Variants in UBE2R2 observed in about 807,000 individuals in gnomAD.
The protein encoded by UBE2R2 is ubiquitin-conjugating enzyme E2 R2.
In UBE2R2, 1 loss-of-function variant was observed where a neutral mutation model predicts 27.8. That is an observed-to-expected ratio of 0.04 (90% CI 0.01 to 0.17). The LOEUF is 0.17. Ranked by LOEUF, UBE2R2 falls within the 10% of genes least tolerant of loss-of-function variation. UBE2R2 has a pLI of 1.00. For missense variants in UBE2R2, 100 were observed against 291.0 expected, an observed-to-expected ratio of 0.34 and a Z score of 4.78; for synonymous variants, 106 against 113.3, an observed-to-expected ratio of 0.94 and a Z score of 0.41.
Position 33,917,328 on chromosome 9 carries a change from A to G in UBE2R2, c.*91A>G. On this transcript the variant is annotated 3_prime_UTR_variant, in exon 5 of 5. Transcript: ENST00000263228. ...ACCTGGCCATGGCCCCTCAGCAAAA[A>G]CCTATTCACAGCGGGTGGGGAAACA... 3 of 1,559,440 alleles carry G rather than the reference A, an allele frequency of 1.9e-6. No homozygotes were observed. Among genetic ancestry groups the G allele is most frequent in the Non-Finnish European group, 2.6e-6 (3 of 1,157,392 alleles).
At chr9:33,901,230 T>G (rs1435141901) in intron 3 of UBE2R2, among the ~76,000 whole-genome samples, 1 of 152,232 alleles carries the variant, frequency 6.6e-6, no homozygotes, top group Non-Finnish European at 1.5e-5. Flanking sequence ...TTATGTGTTT[T>G]CTCATGATTA....
At chr9:33,877,797 C>CTG (rs144533120) in intron 1 of UBE2R2, among the ~76,000 whole-genome samples, 7 of 141,834 alleles carry the variant, frequency 4.9e-5, no homozygotes, top group African/African-American at 1.9e-4. Context: ...ATTTTTGCCC[C>CTG]TCTCTGTCTG....
rs752000397 is a variant in UBE2R2 at position 33,904,342 on chromosome 9, T to G, written c.362+4071T>G. 4.1e-4 allele frequency among the ~76,000 whole-genome samples: 63 copies of G among 152,184 alleles called. 1 individual carries two copies. The highest frequency in any genetic ancestry group is 5.9e-5 in the Non-Finnish European group (4 of 68,038). The stretch of plus-strand genomic sequence containing the variant: ...CAGCAACTGTCTAAGGGTTCTGGGC[T>G]CCATGTCCAGTTTATGGGTGGCTGT... On this transcript the variant is annotated intron_variant, in intron 3 of 4. Coordinates refer to ENST00000263228, the MANE Select transcript of UBE2R2 (RefSeq NM_017811.4).
At chr9:33,846,878 G>A (rs1430004625) in intron 1 of UBE2R2, among the ~76,000 whole-genome samples, 2 of 151,756 alleles carry the variant, frequency 1.3e-5, no homozygotes, top group Non-Finnish European at 2.9e-5. Context: ...TCCTGAAGTG[G>A]TACTTTTATC....
chr9:33,896,475 C>T (rs1822106921), intron 2 of UBE2R2, among the ~76,000 whole-genome samples: 2 of 151,450 alleles, frequency 1.3e-5, no homozygotes, highest in Admixed American at 6.6e-5. Flanking sequence ...TGGAGTCTTA[C>T]TCTGTCGCCC....
Position 33,917,275 on chromosome 9 carries a change from C to G in UBE2R2, c.*38C>G. On this transcript the variant is annotated 3_prime_UTR_variant, in exon 5 of 5. Transcript: ENST00000263228. ...GTGCCCCTGTACTGCCCTGCCATCT[C>G]AGGCCAAAGGGAGGGGAGCAAGTGG... 6.2e-7 allele frequency: 1 copy of G among 1,609,390 alleles called. No individual in the cohort carries two copies. Among genetic ancestry groups the G allele is most frequent in the Non-Finnish European group, 8.5e-7 (1 of 1,177,938 alleles).
intron 1 of UBE2R2, among the ~76,000 whole-genome samples, chr9:33,856,035 G>A (rs1821093328): frequency 6.6e-6 from 1 of 152,162 alleles, no homozygotes; most frequent in Non-Finnish European, 1.5e-5. Flanking sequence ...TCCAGCCTGG[G>A]TGATAGAACC....
chr9:33,867,309 T>A (rs970227133), intron 1 of UBE2R2, among the ~76,000 whole-genome samples: 39 of 152,360 alleles, frequency 2.6e-4, no homozygotes, highest in African/African-American at 8.4e-4. Context: ...TAGTAATCTA[T>A]AAATGACTCT....
At chr9:33,864,105 G>A (rs906686524) in intron 1 of UBE2R2, among the ~76,000 whole-genome samples, 5 of 152,130 alleles carry the variant, frequency 3.3e-5, no homozygotes, top group African/African-American at 1.2e-4. Context: ...GGGATTACAG[G>A]TAGGAGCCAC....
At chr9:33,891,047 G>GTTTTTTTGGTTTTTT (rs1554676118) in intron 2 of UBE2R2, among the ~76,000 whole-genome samples, 3 of 126,374 alleles carry the variant, frequency 2.4e-5, no homozygotes, top group Non-Finnish European at 5.0e-5. Context: ...TTGTTGTTGT[G>GTTTTTTTGGTTTTTT]TTTTTTTGTT....
At chr9:33,874,783 C>T (rs1821567220) in intron 1 of UBE2R2, among the ~76,000 whole-genome samples, 1 of 152,056 alleles carries the variant, frequency 6.6e-6, no homozygotes. Context: ...CCACCTCAGC[C>T]TCTTGAGTAG....
chr9:33,877,578 C>T (rs770010425), intron 1 of UBE2R2, among the ~76,000 whole-genome samples: 7 of 152,102 alleles, frequency 4.6e-5, no homozygotes, highest in Non-Finnish European at 8.8e-5. Context: ...CCCATTAATA[C>T]TACTAACCAA....
chr9:33,887,076 A>G (rs1821876597), intron 2 of UBE2R2, 109 bp downstream of exon 2: 2 of 858,840 alleles, frequency 2.3e-6, no homozygotes, highest in Non-Finnish European at 3.6e-6. Context: ...GTAGCCATAG[A>G]GAAATATTAA....
At chr9:33,858,132 A>G (rs921795809) in intron 1 of UBE2R2, among the ~76,000 whole-genome samples, 6 of 152,206 alleles carry the variant, frequency 3.9e-5, no homozygotes, top group Non-Finnish European at 7.3e-5. Context: ...ATATCTCTAT[A>G]TAGTACATTA....
At chr9:33,865,471 C>T (rs369795632) in intron 1 of UBE2R2, among the ~76,000 whole-genome samples, 1 of 152,168 alleles carries the variant, frequency 6.6e-6, no homozygotes, top group Non-Finnish European at 1.5e-5. Context: ...GCTGGGATTA[C>T]AGGCGTGAGC....
At chr9:33,856,888 CTTTTTTTTTT>C (rs140169417) in intron 1 of UBE2R2, among the ~76,000 whole-genome samples, 5 of 82,354 alleles carry the variant, frequency 6.1e-5, no homozygotes, top group African/African-American at 9.0e-5. Flanking sequence ...CTTCCTTTCA[CTTTTTTTTTT>C]TTTTTTTTTT....
chr9:33,818,121 T>TGGGGGCGGGGGCTCGGGC (rs1423506282), intron 1 of UBE2R2, among the ~76,000 whole-genome samples, 187 bp downstream of exon 1: 1 of 137,908 alleles, frequency 7.3e-6, no homozygotes, highest in African/African-American at 2.6e-5. Context: ...TTCTTTGTCA[T>TGGGGGCGGGGGCTCGGGC]GGGGGCGGGG....
chr9:33,902,902 C>T (rs1822275254), intron 3 of UBE2R2, among the ~76,000 whole-genome samples: 1 of 152,100 alleles, frequency 6.6e-6, no homozygotes, highest in African/African-American at 2.4e-5. Flanking sequence ...GAGTTCAAGA[C>T]TAGCCTGACC....
chr9:33,819,615 G>T (rs1286464570), intron 1 of UBE2R2, among the ~76,000 whole-genome samples: 1 of 151,568 alleles, frequency 6.6e-6, no homozygotes, highest in East Asian at 1.9e-4. Context: ...AAAATTAGTT[G>T]TACAAAATTG....
Sources: allele counts gnomAD v4.1 joint callset (sites outside exome capture counted in the v4.1 genomes callset), GRCh38; gene constraint gnomAD v4.1.1; transcripts MANE v1.5; gene names NCBI Gene and HGNC (gene_info 2026-07-23, HGNC 2026-07-21).